ZSWIM6: variants seen among roughly 807,000 people sequenced by gnomAD.
ZSWIM6 encodes the protein zinc finger SWIM domain-containing protein 6.
A neutral mutation model predicts 113.2 loss-of-function variants in ZSWIM6; 9 were observed. That is an observed-to-expected ratio of 0.08 (90% CI 0.05 to 0.14). The LOEUF (loss-of-function observed/expected upper bound fraction) is 0.14. ZSWIM6 is among the 10% of genes least tolerant of loss of function. The probability of loss-of-function intolerance (pLI) is 1.00; values close to 1 mark genes in which losing one functional copy is unlikely to be tolerated. For synonymous variants in ZSWIM6, 611 were observed against 606.5 expected (o/e 1.01, Z -0.11); for missense variants, 1,162 against 1,552.2 (o/e 0.75, Z 4.22).
intron 1 of ZSWIM6, among the ~76,000 whole-genome samples, chr5:61,360,685 G>A (rs1032521295): frequency 6.6e-6 from 1 of 152,046 alleles, no homozygotes; most frequent in Non-Finnish European, 1.5e-5. Flanking sequence ...TCTGTTACTG[G>A]CTTTAGTTTT....
At chr5:61,371,440 C>T (rs1372432020) in intron 1 of ZSWIM6, among the ~76,000 whole-genome samples, 1 of 152,110 alleles carries the variant, frequency 6.6e-6, no homozygotes, top group East Asian at 1.9e-4. Context: ...TGGCTAATTT[C>T]TTTACCTAAA....
intron 10 of ZSWIM6, among the ~76,000 whole-genome samples, chr5:61,536,462 C>T (rs1749576462): frequency 6.6e-6 from 1 of 152,178 alleles, no homozygotes; most frequent in Non-Finnish European, 1.5e-5. Flanking sequence ...CACTCCTGTG[C>T]TTCTAATGGA....
chr5:61,520,198 GT>G (rs1315933020), intron 4 of ZSWIM6, among the ~76,000 whole-genome samples: 1 of 152,160 alleles, frequency 6.6e-6, no homozygotes, highest in African/African-American at 2.4e-5. Flanking sequence ...AACATAAACA[GT>G]TTTCATTCCT....
chr5:61,457,839 T>G (rs1747236966), intron 1 of ZSWIM6, among the ~76,000 whole-genome samples: 2 of 152,094 alleles, frequency 1.3e-5, no homozygotes, highest in Admixed American at 1.3e-4. Context: ...ATCTTTTGAC[T>G]AGTATCTGAT....
At chr5:61,432,690 G>A (rs1746612763) in intron 1 of ZSWIM6, among the ~76,000 whole-genome samples, 1 of 152,186 alleles carries the variant, frequency 6.6e-6, no homozygotes, top group Non-Finnish European at 1.5e-5. Flanking sequence ...TGATGATGTT[G>A]TTAACTTATT....
chr5:61,436,748 G>C (rs144634240), intron 1 of ZSWIM6, among the ~76,000 whole-genome samples: 3 of 152,326 alleles, frequency 2.0e-5, no homozygotes, highest in Non-Finnish European at 4.4e-5. Context: ...AACTGCAGCT[G>C]TGACAAAGTA....
At chr5:61,333,685 A>G (rs555031270) in intron 1 of ZSWIM6, among the ~76,000 whole-genome samples, 1 of 152,180 alleles carries the variant, frequency 6.6e-6, no homozygotes, top group South Asian at 2.1e-4. Flanking sequence ...CCGGAGGGAC[A>G]TCTCGCCCGT....
At chr5:61,456,069 C>T (rs1030365671) in intron 1 of ZSWIM6, among the ~76,000 whole-genome samples, 2 of 152,052 alleles carry the variant, frequency 1.3e-5, no homozygotes, top group Admixed American at 1.3e-4. Context: ...ATTATGCCAG[C>T]ATAGTCTTCC....
rs1433492132 is a variant in ZSWIM6, at chr5:61,541,992, TC to T, written c.2785+29del. 2.0e-6 allele frequency: 3 copies of T among 1,535,078 alleles called. No individual in the cohort carries two copies. The African/African-American group carries it at 4.1e-5, about 21-fold the overall frequency. ...TAGGTAAACTCTGGAACAGAAGCTT[TC>T]CTAGGTGCCTCATGGTAGGATTTAA... On this transcript the variant is annotated intron_variant, in intron 13 of 13. Coordinates refer to ENST00000252744, the MANE Select transcript of ZSWIM6 (RefSeq NM_020928.2).
intron 1 of ZSWIM6, among the ~76,000 whole-genome samples, chr5:61,460,081 G>A (rs942836066): frequency 2.6e-5 from 4 of 152,150 alleles, no homozygotes; most frequent in African/African-American, 4.8e-5. Context: ...GACTTTCAAC[G>A]ATGTTTACCT....
intron 1 of ZSWIM6, among the ~76,000 whole-genome samples, chr5:61,366,790 G>C (rs753501845): frequency 6.6e-6 from 1 of 152,010 alleles, no homozygotes; most frequent in African/African-American, 2.4e-5. Context: ...TTAACCAGAC[G>C]TGATGGCGCA....
intron 1 of ZSWIM6, among the ~76,000 whole-genome samples, chr5:61,422,372 A>G (rs1456541116): frequency 2.0e-5 from 3 of 152,150 alleles, no homozygotes; most frequent in Non-Finnish European, 1.5e-5. Flanking sequence ...AAATGAATTC[A>G]CTGTAGATAT....
chr5:61,508,971 G>A (rs575902753), intron 4 of ZSWIM6, among the ~76,000 whole-genome samples: 6 of 152,174 alleles, frequency 3.9e-5, no homozygotes, highest in Non-Finnish European at 8.8e-5. Context: ...AAGTTTTAGA[G>A]TAGTTTTTAT....
At chr5:61,431,318 A>G (rs1039822342) in intron 1 of ZSWIM6, among the ~76,000 whole-genome samples, 1 of 136,780 alleles carries the variant, frequency 7.3e-6, no homozygotes, top group African/African-American at 2.7e-5. Flanking sequence ...GGTTGCAGTG[A>G]GCCGAGATCG....
intron 1 of ZSWIM6, among the ~76,000 whole-genome samples, chr5:61,431,875 G>A (rs923822021): frequency 5.3e-5 from 8 of 152,198 alleles, no homozygotes; most frequent in African/African-American, 1.9e-4. Flanking sequence ...TGCTTAGTTT[G>A]CCTGAAGAAA....
chr5:61,341,691 C>G (rs1744549887), intron 1 of ZSWIM6, among the ~76,000 whole-genome samples: 1 of 152,104 alleles, frequency 6.6e-6, no homozygotes, highest in Admixed American at 6.6e-5. Context: ...TATATGAAAA[C>G]TTCTCCAGTA....
At chr5:61,341,753 G>A (rs1470093825) in intron 1 of ZSWIM6, among the ~76,000 whole-genome samples, 3 of 151,674 alleles carry the variant, frequency 2.0e-5, no homozygotes, top group Non-Finnish European at 2.9e-5. Context: ...TTTTGTCAAC[G>A]TGCCTCCTCC....
At chr5:61,518,358 C>T (rs1479445213) in intron 4 of ZSWIM6, among the ~76,000 whole-genome samples, 25 of 151,464 alleles carry the variant, frequency 1.7e-4, no homozygotes, top group Admixed American at 8.5e-4. Context: ...CCTGAGGAAT[C>T]GCCACACTGA....
At chr5:61,339,913 A>G (rs150892765) in intron 1 of ZSWIM6, among the ~76,000 whole-genome samples, 158 of 152,360 alleles carry the variant, frequency 1.0e-3, no homozygotes, top group African/African-American at 3.6e-3. Flanking sequence ...CTTTAAGTGC[A>G]TGTGCTTTGA....
Sources: gnomAD v4.1 joint callset for allele counts (sites outside exome capture counted in the v4.1 genomes callset) on GRCh38, gnomAD v4.1.1 for gene constraint, MANE v1.5 for transcripts, NCBI Gene and HGNC (gene_info 2026-07-23, HGNC 2026-07-21) for gene names.